ARHGEF25: variants seen among roughly 807,000 people sequenced by gnomAD.
ARHGEF25 encodes the protein Rho guanine nucleotide exchange factor 25.
In ARHGEF25, 42 loss-of-function variants were observed where a neutral mutation model predicts 74.0. The ratio of observed to expected loss-of-function variants is 0.57; its 90% CI spans 0.44 to 0.73. The LOEUF is 0.73. Ranked by LOEUF, ARHGEF25 falls within the 30% of genes least tolerant of loss-of-function variation. The probability of loss-of-function intolerance (pLI) is 0.00; values close to 1 mark genes in which losing one functional copy is unlikely to be tolerated. For synonymous variants in ARHGEF25, 293 were observed against 278.6 expected, an observed-to-expected ratio of 1.05 and a Z score of -0.51; for missense variants, 645 against 725.5, an observed-to-expected ratio of 0.89 and a Z score of 1.27.
rs1884271677 is a variant in ARHGEF25, at chr12:57,616,021, A to G, written c.1420+4A>G. On this transcript the variant is annotated splice_donor_region_variant and intron_variant, in intron 13 of 14. Transcript: ENST00000286494. ...AGCCAACGGGACTTCCTCAACGGTG[A>G]AGCTCTCATCCTTTCTTCCCGATGT... is the stretch of plus-strand genomic sequence containing the variant. 6.2e-7 allele frequency: 1 copy of G among 1,608,716 alleles called. No homozygotes were observed.
In ARHGEF25 at chr12:57,614,135, C is replaced by CT. The variant is rs1275268427; in HGVS notation, c.656+17dup. ...GGCACCGAGAGTGAGTGGTGGAACT[C>CT]TGACAGCTAGGTGCTGGAGAGGGGC... On this transcript the variant is annotated intron_variant, in intron 6 of 14. Coordinates refer to ENST00000286494, the MANE Select transcript of ARHGEF25 (RefSeq NM_182947.4). The surrounding 1 kb of genome is among the most constrained non-coding windows in gnomAD (Gnocchi z 4.6). The CT allele has an allele frequency of 3.1e-6, 5 of 1,613,172 alleles. No individual in the cohort carries two copies. The Admixed American group carries it at 8.3e-5, about 27-fold the overall frequency.
chr12:57,613,632 CGGGCTGAACCAA>C, intron 4 of ARHGEF25, 50 bp from the exon 5 acceptor site: 1 of 1,609,866 alleles, frequency 6.2e-7, no homozygotes, highest in Non-Finnish European at 8.5e-7. Context: ...GAGGGAGGAA[CGGGCTGAACCAA>C]GGATGAGCTC....
At chr12:57,610,828 C>T, upstream of ARHGEF25, 1 of 641,384 alleles carries the variant, frequency 1.6e-6, no homozygotes, top group Non-Finnish European at 2.5e-6. Flanking sequence ...ACTCTTCTTG[C>T]CTTCGAGTCC....
At chr12:57,612,185 G>A (rs1814872845) in intron 1 of ARHGEF25, 194 bp downstream of exon 1, 2 of 369,742 alleles carry the variant, frequency 5.4e-6, no homozygotes, top group Admixed American at 4.8e-5. Context: ...AATAGGGGAA[G>A]GGGCAGGGAA....
intron 10 of ARHGEF25, 88 bp from the exon 11 acceptor site, chr12:57,615,149 C>A: frequency 1.9e-6 from 3 of 1,553,698 alleles, no homozygotes; most frequent in Middle Eastern, 1.8e-4. Flanking sequence ...GTTGAGATAC[C>A]GTCTGAAGAG....
upstream of ARHGEF25, chr12:57,610,289 G>T (rs1307893919): frequency 1.3e-6 from 2 of 1,569,254 alleles, no homozygotes; most frequent in East Asian, 2.3e-5. Context: ...CATGCTGCGC[G>T]CATGCGCCCT....
rs763544358 is a variant in ARHGEF25, at chr12:57,613,767, C to T, written c.552+7C>T. Reference sequence around the variant, plus strand: ...CTTGGGGCAGATTGTGGAGGTAGCTCCCTTTACCCCTTCCCAGCCCCTCCT... The same window carrying T: ...CTTGGGGCAGATTGTGGAGGTAGCTTCCTTTACCCCTTCCCAGCCCCTCCT... On this transcript the variant is annotated splice_region_variant and intron_variant, in intron 5 of 14. Transcript: ENST00000286494. The T allele has an allele frequency of 6.2e-7, 1 of 1,613,616 alleles. No individual in the cohort carries two copies. The highest frequency in any genetic ancestry group is 1.1e-5 in the South Asian group (1 of 91,020).
upstream of ARHGEF25, chr12:57,611,418 C>A: frequency 1.0e-6 from 1 of 985,220 alleles, no homozygotes; most frequent in Non-Finnish European, 1.2e-6. The surrounding 1 kb of genome is among the most constrained non-coding windows in gnomAD (Gnocchi z 4.5). Flanking sequence ...CGTGGCGGCC[C>A]CGCGGCCAGG....
At chr12:57,613,222 G>C in intron 2 of ARHGEF25, 42 bp from the exon 3 acceptor site, 2 of 1,611,396 alleles carry the variant, frequency 1.2e-6, no homozygotes, top group Non-Finnish European at 8.5e-7. Flanking sequence ...GGGCCACCCA[G>C]CTACTGTCCC....
Position 57,616,970 on chromosome 12 carries a change from T to G in ARHGEF25, c.*76T>G. The G allele has an allele frequency of 1.8e-6, 2 of 1,125,774 alleles. No individual in the cohort carries two copies. The highest frequency in any genetic ancestry group is 2.7e-6 in the Non-Finnish European group (2 of 753,290). 69.7% of individuals were successfully genotyped at this position (1,125,774 alleles called of 1,614,324 possible). A position where few individuals can be genotyped will look rare whatever the true frequency, so the allele number is the denominator to read the frequency against. On this transcript the variant is annotated 3_prime_UTR_variant, in exon 15 of 15. Coordinates refer to ENST00000286494, the MANE Select transcript of ARHGEF25 (RefSeq NM_182947.4). Reference sequence around the variant, plus strand: ...AGCTTCAGGGCAGTCCTTCTGGCACTGCTCCAGAATTCCTCCTTCTTGGTG... The same window carrying G: ...AGCTTCAGGGCAGTCCTTCTGGCACGGCTCCAGAATTCCTCCTTCTTGGTG...
At chr12:57,615,343 C>A (rs755815894) in intron 11 of ARHGEF25, 29 bp downstream of exon 11, 1 of 1,589,890 alleles carries the variant, frequency 6.3e-7, no homozygotes, top group Non-Finnish European at 8.6e-7. Flanking sequence ...AAACTGGAGG[C>A]CCGATGCTCT....
At chr12:57,613,614 A>G in intron 4 of ARHGEF25, 80 bp from the exon 5 acceptor site, 1 of 1,610,890 alleles carries the variant, frequency 6.2e-7, no homozygotes, top group South Asian at 1.1e-5. Context: ...TATGATGATA[A>G]AGGGGAGGAG....
In ARHGEF25 at chr12:57,614,437, A is replaced by G. The variant is rs770292809; in HGVS notation, c.726+37A>G. ...GGGGGCAGGGCCTGGGGCGGGGCTT[A>G]GGAATGGGCTGGGATTCTCTGGAGA... is the stretch of plus-strand genomic sequence containing the variant. On this transcript the variant is annotated intron_variant, in intron 7 of 14. Transcript: ENST00000286494. The surrounding 1 kb of genome is among the most constrained non-coding windows in gnomAD (Gnocchi z 4.6). 14 of 1,614,060 alleles carry G rather than the reference A, an allele frequency of 8.7e-6. No individual in the cohort carries two copies. In the Admixed American group the frequency reaches 2.3e-4, roughly 27 times the overall value.
upstream of ARHGEF25, chr12:57,610,508 G>A: frequency 2.1e-6 from 3 of 1,401,808 alleles, no homozygotes; most frequent in South Asian, 3.9e-5. Flanking sequence ...TAGGAGAAGG[G>A]GAAGGGGGAG....
upstream of ARHGEF25, chr12:57,610,290 C>T (rs1206296212): frequency 1.9e-6 from 3 of 1,566,862 alleles, no homozygotes; most frequent in African/African-American, 4.1e-5. Context: ...ATGCTGCGCG[C>T]ATGCGCCCTC....
intron 10 of ARHGEF25, 102 bp downstream of exon 10, chr12:57,615,119 T>C (rs890227316): frequency 2.5e-6 from 4 of 1,571,162 alleles, no homozygotes; most frequent in Non-Finnish European, 3.5e-6. Flanking sequence ...TGTCTGGTTT[T>C]TAGGGGGAGG....
rs1269216994 is a variant in ARHGEF25, at chr12:57,615,901, G to C, written c.1304G>C (p.Arg435Thr). Residue 435 changes from arginine (R) to threonine (T), a missense_variant, in exon 13 of 15, where the codon AGA becomes ACA. By Grantham distance (71) the Arg-to-Thr change is moderately conservative. Coordinates refer to ENST00000286494, the MANE Select transcript of ARHGEF25 (RefSeq NM_182947.4). ...GDPCRFALTS[R>T]GPEGGIQRYV... is the part of the protein sequence containing the mutation. ...CCTTGCCGCTTTGCACTGACCTCCA[G>C]AGGGCCAGAGGGTGGGATCCAGCGC... 1 of 1,614,188 alleles carries C rather than the reference G, an allele frequency of 6.2e-7. No individual in the cohort carries two copies. The highest frequency in any genetic ancestry group is 1.1e-5 in the South Asian group (1 of 91,086).
chr12:57,616,255 C>A (rs760567346), intron 13 of ARHGEF25, 29 bp from the exon 14 acceptor site: 1 of 1,594,436 alleles, frequency 6.3e-7, no homozygotes, highest in Non-Finnish European at 8.5e-7. Context: ...TCTGCGGTAA[C>A]CCTCCTTCTG....
chr12:57,614,964 T>C lies in ARHGEF25; in HGVS notation c.910-3T>C, dbSNP rs751047010. On this transcript the variant is annotated splice_region_variant and splice_polypyrimidine_tract_variant and intron_variant, in intron 9 of 14. Coordinates refer to ENST00000286494, the MANE Select transcript of ARHGEF25 (RefSeq NM_182947.4). The surrounding 1 kb of genome is among the most constrained non-coding windows in gnomAD (Gnocchi z 4.6). ...CCCTGAGCATTTCTTCTCTCTGTCT[T>C]AGGATTTTCTCAAGTATTACAATAG... is the stretch of plus-strand genomic sequence containing the variant. The C allele has an allele frequency of 4.3e-6, 7 of 1,614,026 alleles. No individual in the cohort carries two copies. In the East Asian group the frequency reaches 8.9e-5, roughly 21 times the overall value.
Sources: allele counts gnomAD v4.1 joint callset, GRCh38; gene constraint gnomAD v4.1.1; non-coding constraint Gnocchi (gnomAD v3.1); transcripts MANE v1.5; gene names NCBI Gene and HGNC (gene_info 2026-07-23, HGNC 2026-07-21).